Variants in ADGRE1 observed in about 807,000 individuals in gnomAD.
The protein encoded by ADGRE1 is adhesion G protein-coupled receptor E1, also known as EGF-like module receptor 1.
ADGRE1 carries 82 observed loss-of-function variants against 102.7 expected under a neutral mutation model. The ratio of observed to expected loss-of-function variants is 0.80; its 90% CI spans 0.67 to 0.96. The LOEUF is 0.96. ADGRE1 is among the 40% of genes least tolerant of loss of function. ADGRE1 has a pLI of 0.00. For synonymous variants in ADGRE1, 398 were observed against 399.6 expected (o/e 1.00, Z 0.05); for missense variants, 1,032 against 1,085.3 (o/e 0.95, Z 0.69).
At chr19:6,896,171 ACTCC>A in intron 2 of ADGRE1, 2 of 470,180 alleles carry the variant, frequency 4.3e-6, no homozygotes, top group Non-Finnish European at 7.7e-6. Flanking sequence ...GGCCCACCCT[ACTCC>A]AGCACTACTT....
At chr19:6,905,647 G>C (rs1029278006) in intron 8 of ADGRE1, among the ~76,000 whole-genome samples, 1 of 151,900 alleles carries the variant, frequency 6.6e-6, no homozygotes, top group South Asian at 2.1e-4. Context: ...CACCGTGCCC[G>C]GCCAACCTTT....
chr19:6,915,324 T>A (rs1340672255), intron 11 of ADGRE1, among the ~76,000 whole-genome samples: 1 of 152,164 alleles, frequency 6.6e-6, no homozygotes, highest in African/African-American at 2.4e-5. Flanking sequence ...TATTTGAAGA[T>A]GAAAGGACAT....
chr19:6,887,915 A>C (rs1420699622), intron 1 of ADGRE1, among the ~76,000 whole-genome samples: 1 of 152,182 alleles, frequency 6.6e-6, no homozygotes, highest in Non-Finnish European at 1.5e-5. Flanking sequence ...TGAGAAAAAA[A>C]GACTAAGTTC....
At chr19:6,915,838 G>A (rs188136263) in intron 11 of ADGRE1, among the ~76,000 whole-genome samples, 22 of 144,788 alleles carry the variant, frequency 1.5e-4, no homozygotes, top group East Asian at 6.6e-4. Context: ...GGAGAATGGC[G>A]TGAACCCGGG....
intron 3 of ADGRE1, 120 bp from the exon 4 acceptor site, chr19:6,897,029 T>A: frequency 9.9e-7 from 1 of 1,014,744 alleles, no homozygotes; most frequent in Non-Finnish European, 1.4e-6. Context: ...ACAGAAGAAG[T>A]ACCAAAGTGA....
intron 17 of ADGRE1, among the ~76,000 whole-genome samples, chr19:6,930,306 G>A (rs1975084368): frequency 1.3e-5 from 2 of 152,184 alleles, no homozygotes; most frequent in Admixed American, 6.5e-5. Flanking sequence ...GCCAGGGAAT[G>A]TTAAACACCC....
chr19:6,912,207 C>T (rs538282715), intron 10 of ADGRE1, among the ~76,000 whole-genome samples: 49 of 152,142 alleles, frequency 3.2e-4, no homozygotes, highest in African/African-American at 1.1e-3. Context: ...AACACATACA[C>T]ACATATACAC....
chr19:6,921,389 T>C (rs1298179271), intron 13 of ADGRE1, among the ~76,000 whole-genome samples: 1 of 152,094 alleles, frequency 6.6e-6, no homozygotes, highest in African/African-American at 2.4e-5. Context: ...ACCACTGCAC[T>C]CCAGCCTGGG....
rs887681845 is a variant in ADGRE1 at position 6,896,327 on chromosome 19, A to G, written c.95-71A>G. 5.3e-6 allele frequency: 8 copies of G among 1,510,870 alleles called. No individual in the cohort carries two copies. The African/African-American group carries it at 8.3e-5, about 16-fold the overall frequency. The allele number at this position is 1,510,870 out of a possible 1,614,324, so 93.6% of individuals were successfully genotyped here. Reference sequence around the variant, plus strand: ...CCATAACAGTCACCTCCACCCTTGTATGCTGGGTTCCCTTGCAGCCTCACT... The same window carrying G: ...CCATAACAGTCACCTCCACCCTTGTGTGCTGGGTTCCCTTGCAGCCTCACT... On this transcript the variant is annotated intron_variant, in intron 2 of 20. Transcript: ENST00000312053.
chr19:6,896,387 A>G lies in ADGRE1; in HGVS notation c.95-11A>G, dbSNP rs1478103954. 5 of 1,612,788 alleles carry G rather than the reference A, an allele frequency of 3.1e-6. No individual in the cohort carries two copies. The highest frequency in any genetic ancestry group is 4.2e-6 in the Non-Finnish European group (5 of 1,179,094). On this transcript the variant is annotated splice_polypyrimidine_tract_variant and intron_variant, in intron 2 of 20. Coordinates refer to ENST00000312053, the MANE Select transcript of ADGRE1 (RefSeq NM_001974.5). The stretch of plus-strand genomic sequence containing the variant: ...TAATCTTGTCTAAACTTTTCTTTAT[A>G]CACTGCCTAGGTAATAACTGTAGAG...
At chr19:6,928,359 C>G (rs1214441125) in intron 17 of ADGRE1, 148 bp downstream of exon 17, 8 of 1,513,948 alleles carry the variant, frequency 5.3e-6, no homozygotes, top group Non-Finnish European at 7.0e-6. Context: ...GGCGTGGTGG[C>G]TCACGCCTGT....
At chr19:6,900,602 C>G (rs193164392) in intron 5 of ADGRE1, among the ~76,000 whole-genome samples, 2 of 152,312 alleles carry the variant, frequency 1.3e-5, no homozygotes, top group African/African-American at 2.4e-5. Context: ...CAGTCTTATT[C>G]TCTCCAATCC....
intron 14 of ADGRE1, among the ~76,000 whole-genome samples, chr19:6,923,391 C>T (rs1974752642): frequency 1.3e-5 from 2 of 152,144 alleles, no homozygotes; most frequent in African/African-American, 4.8e-5. Context: ...GAAATGTTTT[C>T]ATTTAATCCT....
intron 10 of ADGRE1, 126 bp from the exon 11 acceptor site, chr19:6,913,527 G>A (rs556187888): frequency 1.4e-5 from 12 of 840,376 alleles, no homozygotes; most frequent in East Asian, 3.0e-5. Flanking sequence ...AAAGGAGCCC[G>A]AGTGGATGCC....
chr19:6,898,939 A>G (rs1973670684), intron 5 of ADGRE1, among the ~76,000 whole-genome samples: 1 of 152,104 alleles, frequency 6.6e-6, no homozygotes, highest in Admixed American at 6.5e-5. Flanking sequence ...TGGTTTAACA[A>G]TCTATATCTT....
chr19:6,913,075 G>T (rs1366238526), intron 10 of ADGRE1, among the ~76,000 whole-genome samples: 2 of 152,130 alleles, frequency 1.3e-5, no homozygotes, highest in Non-Finnish European at 2.9e-5. Context: ...GCTGGGACTA[G>T]CGTCATGCAC....
chr19:6,928,361 C>T (rs1270810922), intron 17 of ADGRE1, 150 bp downstream of exon 17: 4 of 1,513,058 alleles, frequency 2.6e-6, no homozygotes, highest in Non-Finnish European at 3.5e-6. Flanking sequence ...CGTGGTGGCT[C>T]ACGCCTGTAA....
chr19:6,920,523 T>TCC (rs1974616702), intron 13 of ADGRE1, among the ~76,000 whole-genome samples: 7 of 129,906 alleles, frequency 5.4e-5, no homozygotes, highest in Non-Finnish European at 6.6e-5. Context: ...CCGCTTTTTT[T>TCC]TTTTTTTTTT....
chr19:6,916,640 G>A (rs1974396439), intron 12 of ADGRE1, among the ~76,000 whole-genome samples: 1 of 152,092 alleles, frequency 6.6e-6, no homozygotes, highest in African/African-American at 2.4e-5. Context: ...GCCAGGTTGA[G>A]AGGTACTGTA....
Sources: gnomAD v4.1 joint callset for allele counts (sites outside exome capture counted in the v4.1 genomes callset) on GRCh38, gnomAD v4.1.1 for gene constraint, MANE v1.5 for transcripts, NCBI Gene and HGNC (gene_info 2026-07-23, HGNC 2026-07-21) for gene names.